Variants in KDM6A observed in about 807,000 individuals in gnomAD.
KDM6A encodes lysine demethylase 6A, also known as lysine-specific demethylase 6A.
A neutral mutation model predicts 117.6 loss-of-function variants in KDM6A; 11 were observed. That is an observed-to-expected ratio of 0.09 (90% confidence interval 0.06 to 0.15). KDM6A has a LOEUF of 0.15. Among genes scored for constraint, KDM6A ranks in the 10% least tolerant of loss-of-function variants. The pLI, the probability that KDM6A is intolerant of heterozygous loss-of-function variation, is 1.00. For missense variants in KDM6A, 799 were observed against 1,077.3 expected, an observed-to-expected ratio of 0.74 and a Z score of 3.62; for synonymous variants, 384 against 396.1, an observed-to-expected ratio of 0.97 and a Z score of 0.36.
Position 44,945,378 on chromosome X carries a change from A to G in KDM6A, c.226-15906A>G, listed in dbSNP as rs988166185. Among the ~76,000 whole-genome samples, 3 of 110,657 alleles carry G rather than the reference A, an allele frequency of 2.7e-5. No individual in the cohort carries two copies. In the South Asian group the frequency reaches 1.1e-3, roughly 41 times the overall value. Reference sequence around the variant, plus strand: ...TTGTTTCACGTTTCTTTAGTTATTTAATTGTTATATTCAGGAGTAAATTTG... The same window carrying G: ...TTGTTTCACGTTTCTTTAGTTATTTGATTGTTATATTCAGGAGTAAATTTG... On this transcript the variant is annotated intron_variant, in intron 2 of 29. Transcript: ENST00000611820.
intron 27 of KDM6A, among the ~76,000 whole-genome samples, chrX:45,093,822 C>T (rs758373028): frequency 9.0e-6 from 1 of 111,353 alleles, no homozygotes; most frequent in East Asian, 2.8e-4. Flanking sequence ...TGAGGTTGGA[C>T]ACACAAAATT....
At chrX:44,938,994 T>A (rs1414176077) in intron 2 of KDM6A, among the ~76,000 whole-genome samples, 1 of 112,388 alleles carries the variant, frequency 8.9e-6, no homozygotes, top group Non-Finnish European at 1.9e-5. Context: ...TATTACTGCT[T>A]ATTGACGATG....
At chrX:45,104,431 C>G (rs942443163) in intron 27 of KDM6A, among the ~76,000 whole-genome samples, 1 of 112,771 alleles carries the variant, frequency 8.9e-6, no homozygotes, top group Non-Finnish European at 1.9e-5. Context: ...TTTTTTAGCT[C>G]TTTAATGTAC....
At chrX:44,930,617 CTT>C (rs1420464514) in intron 2 of KDM6A, among the ~76,000 whole-genome samples, 1 of 111,739 alleles carries the variant, frequency 8.9e-6, no homozygotes, top group African/African-American at 3.3e-5. Context: ...TACATGGTAT[CTT>C]ATAATTTACT....
chrX:45,091,633 A>G (rs1329640431), intron 27 of KDM6A, among the ~76,000 whole-genome samples: 1 of 111,804 alleles, frequency 8.9e-6, no homozygotes, highest in Non-Finnish European at 1.9e-5. Flanking sequence ...GTAATTTGTG[A>G]ATGAGGGAGA....
intron 2 of KDM6A, among the ~76,000 whole-genome samples, chrX:44,895,224 A>G (rs1217142371): frequency 1.9e-5 from 2 of 107,171 alleles, no homozygotes; most frequent in African/African-American, 3.4e-5. Context: ...TCCTGCCTCA[A>G]CCTCCCAAGT....
rs1054386374 is a variant in KDM6A, at chrX:45,108,293, C to T, written c.4161+757C>T. ...GTTTTAGAAAAGGTTGAATGTGTTC[C>T]GATTTGGCTGGAACACAGACTGTGC... On this transcript the variant is annotated intron_variant, in intron 28 of 29. Transcript: ENST00000611820. Among the ~76,000 whole-genome samples, 4 of 111,095 alleles carry T rather than the reference C, an allele frequency of 3.6e-5. No individual in the cohort carries two copies. In the Admixed American group the frequency reaches 3.8e-4, roughly 11 times the overall value.
At position 45,076,678 on chromosome X, in the gene KDM6A, C is replaced by T; in HGVS notation, c.2859-19C>T. The T allele has an allele frequency of 1.0e-6, 1 of 974,323 alleles. No homozygotes were observed. The highest frequency in any genetic ancestry group is 1.4e-6 in the Non-Finnish European group (1 of 719,621). The allele number at this position is 974,323 out of a possible 1,213,427, so 80.3% of individuals were successfully genotyped here. On this transcript the variant is annotated intron_variant, in intron 18 of 29. Transcript: ENST00000611820. The stretch of plus-strand genomic sequence containing the variant: ...CCAAATAAATGTACAACTGATTATC[C>T]CTTTTTTTTTTTTTCCAGGAATCTA...
At chrX:44,963,483 G>GTCTGTCTGTCTGTCTGTCTGTC (rs1556012410) in intron 3 of KDM6A, among the ~76,000 whole-genome samples, 4 of 40,889 alleles carry the variant, frequency 9.8e-5, no homozygotes, top group African/African-American at 3.0e-4. Flanking sequence ...GTGTGTGTGT[G>GTCTGTCTGTCTGTCTGTCTGTC]TGTCTGTCTG....
At chrX:44,889,633 G>A (rs2033176432) in intron 2 of KDM6A, among the ~76,000 whole-genome samples, 1 of 111,475 alleles carries the variant, frequency 9.0e-6, no homozygotes, top group South Asian at 3.7e-4. Flanking sequence ...GGCTATATAG[G>A]TTATCTAATC....
intron 2 of KDM6A, among the ~76,000 whole-genome samples, chrX:44,923,387 A>G (rs2036093121): frequency 1.9e-5 from 2 of 107,285 alleles, no homozygotes; most frequent in African/African-American, 6.8e-5. Flanking sequence ...TATGTTTATC[A>G]GGATATCTGA....
At chrX:44,936,165 G>A (rs1200306732) in intron 2 of KDM6A, among the ~76,000 whole-genome samples, 1 of 111,501 alleles carries the variant, frequency 9.0e-6, no homozygotes, top group African/African-American at 3.3e-5. Flanking sequence ...TCTAGTGGCT[G>A]GTCTTAACAT....
intron 27 of KDM6A, chrX:45,106,484 A>G: frequency 3.0e-6 from 1 of 334,785 alleles, no homozygotes; most frequent in South Asian, 2.7e-5. Flanking sequence ...AATAAAATAG[A>G]TAAGACCTTT....
At chrX:44,975,593 C>A (rs183824960) in intron 4 of KDM6A, among the ~76,000 whole-genome samples, 1 of 111,427 alleles carries the variant, frequency 9.0e-6, no homozygotes, top group Non-Finnish European at 1.9e-5. Flanking sequence ...AAAATTATAG[C>A]TTAATTCACA....
At chrX:45,004,820 C>T (rs2041348593) in intron 4 of KDM6A, among the ~76,000 whole-genome samples, 1 of 111,262 alleles carries the variant, frequency 9.0e-6, no homozygotes, top group East Asian at 2.8e-4. Context: ...TCCCAAACTA[C>T]CATAGCAGCC....
intron 24 of KDM6A, 150 bp downstream of exon 24, chrX:45,083,758 A>G (rs1177494842): frequency 2.0e-6 from 1 of 498,040 alleles, no homozygotes; most frequent in Non-Finnish European, 3.3e-6. Flanking sequence ...TCAGATTAAG[A>G]TTTTTCCCCT....
chrX:44,883,737 C>T (rs1236050719), intron 2 of KDM6A, among the ~76,000 whole-genome samples: 1 of 111,109 alleles, frequency 9.0e-6, no homozygotes, highest in Non-Finnish European at 1.9e-5. Context: ...CAGCATTTAG[C>T]CTTGGTTATG....
intron 27 of KDM6A, among the ~76,000 whole-genome samples, chrX:45,101,023 A>C (rs1339938041): frequency 2.7e-5 from 3 of 110,782 alleles, no homozygotes. Flanking sequence ...TTATATGCAC[A>C]ATGTTAATGT....
chrX:44,901,359 A>C (rs1354834856), intron 2 of KDM6A, among the ~76,000 whole-genome samples: 1 of 110,609 alleles, frequency 9.0e-6, no homozygotes, highest in African/African-American at 3.3e-5. Flanking sequence ...CCATCTCAAA[A>C]AAATATATAT....
Sources: gnomAD v4.1 joint callset for allele counts (sites outside exome capture counted in the v4.1 genomes callset) on GRCh38, gnomAD v4.1.1 for gene constraint, MANE v1.5 for transcripts, NCBI Gene and HGNC (gene_info 2026-07-23, HGNC 2026-07-21) for gene names.